Variants in L3MBTL4 observed in about 807,000 individuals in gnomAD.
The protein encoded by L3MBTL4 is L3MBTL histone methyl-lysine binding protein 4, also known as lethal(3)malignant brain tumor-like protein 4.
In L3MBTL4, 70 loss-of-function variants were observed where a neutral mutation model predicts 84.5. That is an observed-to-expected ratio of 0.83 (90% confidence interval 0.68 to 1.01). L3MBTL4 has a LOEUF of 1.01. L3MBTL4 is among the 50% of genes least tolerant of loss of function. The pLI is 0.00. For missense variants in L3MBTL4, 715 were observed against 754.8 expected, an observed-to-expected ratio of 0.95 and a Z score of 0.62; for synonymous variants, 274 against 259.8, an observed-to-expected ratio of 1.05 and a Z score of -0.52.
At chr18:6,165,203 G>T (rs1205111447) in intron 13 of L3MBTL4, among the ~76,000 whole-genome samples, 9 of 152,188 alleles carry the variant, frequency 5.9e-5, no homozygotes, top group Non-Finnish European at 1.3e-4. Flanking sequence ...ATCTACATCT[G>T]ATTGGTGTAC....
rs148108347 is a variant in L3MBTL4, at chr18:5,956,043, T to C, written c.*177A>G. ...CAGATGGGCCTAAGCCTCTGAGTCA[T>C]TGGCACTGGACCAGTCATCAAAATC... On this transcript the variant is annotated 3_prime_UTR_variant, in exon 19 of 19. Transcript: ENST00000317931. 0.019 allele frequency: 11,206 copies of C among 600,776 alleles called. 133 individuals are homozygous for C. Among genetic ancestry groups the C allele is most frequent in the Non-Finnish European group, 0.022 (7,754 of 345,306 alleles). 37.2% of individuals were successfully genotyped at this position (600,776 alleles called of 1,614,324 possible).
intron 4 of L3MBTL4, among the ~76,000 whole-genome samples, chr18:6,289,624 GGT>G (rs1010089297): frequency 4.6e-5 from 7 of 152,134 alleles, no homozygotes. Context: ...GTGATTTATA[GGT>G]CAGACATCAC....
intron 1 of L3MBTL4, chr18:6,397,329 A>G (rs1304305206): frequency 6.6e-6 from 1 of 152,262 alleles, no homozygotes; most frequent in East Asian, 1.9e-4. Flanking sequence ...TATGCTGAGT[A>G]TAACAATCTG....
At chr18:6,260,517 T>A (rs2048352977) in intron 5 of L3MBTL4, 1 of 152,210 alleles carries the variant, frequency 6.6e-6, no homozygotes, top group Non-Finnish European at 1.5e-5. Flanking sequence ...GTTAAATGTA[T>A]TCCTAGATAT....
At chr18:6,112,167 G>A (rs1568139604) in intron 14 of L3MBTL4, among the ~76,000 whole-genome samples, 2 of 151,866 alleles carry the variant, frequency 1.3e-5, no homozygotes, top group African/African-American at 4.8e-5. Flanking sequence ...TACTGCAAAC[G>A]CACACACACA....
intron 14 of L3MBTL4, among the ~76,000 whole-genome samples, chr18:6,100,837 A>T (rs576101099): frequency 6.6e-6 from 1 of 152,264 alleles, no homozygotes; most frequent in East Asian, 1.9e-4. Flanking sequence ...GCCTCCTGCG[A>T]CACCACCCTA....
chr18:6,239,159 G>A (rs1386193052), intron 9 of L3MBTL4, among the ~76,000 whole-genome samples: 1 of 151,760 alleles, frequency 6.6e-6, no homozygotes, highest in Non-Finnish European at 1.5e-5. Flanking sequence ...GGCTAAAACG[G>A]TGAAACCCTG....
chr18:6,324,351 T>C (rs2051598860), intron 1 of L3MBTL4, among the ~76,000 whole-genome samples: 1 of 152,154 alleles, frequency 6.6e-6, no homozygotes, highest in Non-Finnish European at 1.5e-5. Flanking sequence ...GCCACTGCCC[T>C]CTAGACCCTG....
At position 6,399,295 on chromosome 18, in the gene L3MBTL4, G is replaced by A. The variant is rs543523791; in HGVS notation, c.-91+15506C>T. Among the ~76,000 whole-genome samples the A allele has an allele frequency of 6.6e-5, 10 of 152,158 alleles. No individual in the cohort carries two copies. The East Asian group carries it at 1.7e-3, about 27-fold the overall frequency. ...TCTACTAAAAATACATAAATTACCC[G>A]GGTGTGGTGGTGCATGCCTATAGTC... On this transcript the variant is annotated intron_variant, in intron 1 of 18. Coordinates refer to ENST00000317931, the MANE Select transcript of L3MBTL4 (RefSeq NM_001330559.2).
chr18:6,152,333 A>G (rs2042933628), intron 13 of L3MBTL4, among the ~76,000 whole-genome samples: 2 of 152,118 alleles, frequency 1.3e-5, no homozygotes, highest in African/African-American at 4.8e-5. Flanking sequence ...AGCTATACCA[A>G]TTTATATTCC....
At chr18:6,104,289 G>C (rs1235207304) in intron 14 of L3MBTL4, among the ~76,000 whole-genome samples, 2 of 151,984 alleles carry the variant, frequency 1.3e-5, no homozygotes, top group Non-Finnish European at 2.9e-5. Flanking sequence ...ATTCATTGCA[G>C]AATTATTCAT....
intron 16 of L3MBTL4, among the ~76,000 whole-genome samples, chr18:5,974,485 T>G (rs1383375854): frequency 6.6e-6 from 1 of 152,160 alleles, no homozygotes; most frequent in Non-Finnish European, 1.5e-5. Context: ...CACTGGTAAG[T>G]CTATCTGCCT....
intron 3 of L3MBTL4, among the ~76,000 whole-genome samples, chr18:6,305,410 CTAAT>C (rs1428916293): frequency 6.6e-6 from 1 of 152,092 alleles, no homozygotes; most frequent in Non-Finnish European, 1.5e-5. Context: ...TTCTGTCTAG[CTAAT>C]TAATTATTTC....
intron 16 of L3MBTL4, among the ~76,000 whole-genome samples, chr18:6,045,626 C>A (rs936433618): frequency 6.6e-6 from 1 of 152,160 alleles, no homozygotes; most frequent in East Asian, 1.9e-4. Flanking sequence ...ATGAGAACAG[C>A]ATAGGAAAGA....
At chr18:6,175,156 T>C (rs1381501320) in intron 12 of L3MBTL4, among the ~76,000 whole-genome samples, 1 of 152,000 alleles carries the variant, frequency 6.6e-6, no homozygotes, top group Admixed American at 6.6e-5. Flanking sequence ...AAATGAAAGC[T>C]AAAGGGAAAC....
rs115235875 is a variant in L3MBTL4, at chr18:6,220,435, C to T, written c.785-4600G>A. ...ACCTGGAGAGTTATCTGTAGATATC[C>T]TCCAGACTTGTCACCTTATCTCAAA... On this transcript the variant is annotated intron_variant, in intron 10 of 18. Coordinates refer to ENST00000317931, the MANE Select transcript of L3MBTL4 (RefSeq NM_001330559.2). Among the ~76,000 whole-genome samples, 425 of 152,236 alleles carry T rather than the reference C, an allele frequency of 2.8e-3. 2 individuals are homozygous for T. Among genetic ancestry groups the T allele is most frequent in the African/African-American group, 9.8e-3 (405 of 41,538 alleles).
At chr18:6,404,241 G>A (rs1013125016) in intron 1 of L3MBTL4, among the ~76,000 whole-genome samples, 5 of 152,176 alleles carry the variant, frequency 3.3e-5, no homozygotes, top group African/African-American at 1.2e-4. Context: ...CCGAAAAGCT[G>A]TTGAAATAAT....
intron 1 of L3MBTL4, among the ~76,000 whole-genome samples, chr18:6,321,992 C>A (rs1312677420): frequency 6.6e-6 from 1 of 152,066 alleles, no homozygotes. Flanking sequence ...TCTCAGACTT[C>A]ACCACTATAC....
At chr18:6,278,936 T>C (rs1438374180) in intron 4 of L3MBTL4, among the ~76,000 whole-genome samples, 1 of 151,820 alleles carries the variant, frequency 6.6e-6, no homozygotes, top group Non-Finnish European at 1.5e-5. Context: ...TAAGATCATA[T>C]GGAACATACT....
Sources: allele counts gnomAD v4.1 joint callset (sites outside exome capture counted in the v4.1 genomes callset), GRCh38; gene constraint gnomAD v4.1.1; transcripts MANE v1.5; gene names NCBI Gene and HGNC (gene_info 2026-07-23, HGNC 2026-07-21).